The following RFX4 variants were observed in gnomAD, a reference collection of about 807,000 sequenced individuals.
RFX4 encodes transcription factor RFX4.
In RFX4, 10 loss-of-function variants were observed where a neutral mutation model predicts 95.0. The observed-to-expected ratio is 0.11, with a 90% confidence interval of 0.06 to 0.18. The LOEUF (loss-of-function observed/expected upper bound fraction) is 0.18. RFX4 is among the 10% of genes least tolerant of loss of function. RFX4 has a pLI of 1.00. For missense variants in RFX4, 640 were observed against 922.0 expected, an observed-to-expected ratio of 0.69 and a Z score of 3.96; for synonymous variants, 321 against 340.7, an observed-to-expected ratio of 0.94 and a Z score of 0.64.
chr12:106,649,524 C>T (rs1202088633), intron 3 of RFX4, among the ~76,000 whole-genome samples: 1 of 152,194 alleles, frequency 6.6e-6, no homozygotes. Flanking sequence ...GTTTAATTAG[C>T]CCAGCCTGTG....
At chr12:106,746,420 T>C (rs1440773839) in intron 15 of RFX4, among the ~76,000 whole-genome samples, 1 of 150,632 alleles carries the variant, frequency 6.6e-6, no homozygotes, top group Non-Finnish European at 1.5e-5. Flanking sequence ...TAGTTCCAAC[T>C]ACTTGGGAGG....
chr12:106,677,756 C>G (rs1390317347), intron 4 of RFX4, among the ~76,000 whole-genome samples: 1 of 152,104 alleles, frequency 6.6e-6, no homozygotes, highest in Non-Finnish European at 1.5e-5. Context: ...AGACTGGTGG[C>G]AGGGAAACCA....
intron 17 of RFX4, among the ~76,000 whole-genome samples, chr12:106,751,435 C>T (rs1398478846): frequency 6.6e-6 from 1 of 151,536 alleles, no homozygotes; most frequent in Non-Finnish European, 1.5e-5. Flanking sequence ...GATTTATAGT[C>T]CTTTGGGTGT....
chr12:106,715,445 C>T lies in RFX4; in HGVS notation c.1039C>T (p.Leu347=). 1 of 1,614,156 alleles carries T rather than the reference C, an allele frequency of 6.2e-7. No homozygotes were observed. The highest frequency in any genetic ancestry group is 8.5e-7 in the Non-Finnish European group (1 of 1,180,004). The change falls in exon 11 of 18, where the codon CTG becomes TTG. Residue 347 remains leucine, a synonymous_variant. Coordinates refer to ENST00000392842, the MANE Select transcript of RFX4 (RefSeq NM_213594.3). ...CAGTGCAGACATCACGTTCCAAATG[C>T]TGGAAGACTGGAGGAACGTGGACCT... ...IHSADITFQM[L]EDWRNVDLNS...
intron 2 of RFX4, among the ~76,000 whole-genome samples, chr12:106,636,865 T>C (rs77362888): frequency 0.1 from 15,619 of 152,170 alleles, 990 homozygotes; most frequent in Middle Eastern, 0.14. Flanking sequence ...TCCCTTTTTT[T>C]CTCTGCCTTC....
chr12:106,682,345 A>G, intron 5 of RFX4: 1 of 453,330 alleles, frequency 2.2e-6, no homozygotes, highest in Non-Finnish European at 4.0e-6. Context: ...CATTGAAAGG[A>G]TTGCCTTGTG....
At chr12:106,701,385 T>C (rs2041987033) in intron 8 of RFX4, among the ~76,000 whole-genome samples, 1 of 152,198 alleles carries the variant, frequency 6.6e-6, no homozygotes, top group African/African-American at 2.4e-5. Flanking sequence ...TACTTGGGGT[T>C]TTCTGAGCTT....
intron 14 of RFX4, among the ~76,000 whole-genome samples, chr12:106,732,694 C>A (rs1230849398): frequency 1.3e-5 from 2 of 151,840 alleles, no homozygotes; most frequent in Admixed American, 1.3e-4. Context: ...AGCAAGACTC[C>A]ATCTCAAAAT....
chr12:106,752,479 C>T (rs867368859), intron 17 of RFX4, among the ~76,000 whole-genome samples: 6 of 151,980 alleles, frequency 3.9e-5, no homozygotes, highest in Non-Finnish European at 8.8e-5. Flanking sequence ...CCTCTTTGAC[C>T]TCTTCATGCC....
chr12:106,601,375 C>T, intron 1 of RFX4: 1 of 1,559,176 alleles, frequency 6.4e-7, no homozygotes, highest in Non-Finnish European at 8.7e-7. Flanking sequence ...GGACAGGAGA[C>T]TGGGGTGGGC....
rs200953140 is a variant in RFX4 at position 106,595,105 on chromosome 12, CTTTA to C, written c.43+11747_43+11750del. On this transcript the variant is annotated intron_variant, in intron 1 of 17. Coordinates refer to ENST00000392842, the MANE Select transcript of RFX4 (RefSeq NM_213594.3). The stretch of plus-strand genomic sequence containing the variant: ...CTGTGCTGAACACTTATGCATGTTA[CTTTA>C]TTTAACTCACATATTGACTCTATGG... Among the ~76,000 whole-genome samples, 19 of 152,248 alleles carry C rather than the reference CTTTA, an allele frequency of 1.2e-4. No individual in the cohort carries two copies. The East Asian group carries it at 3.5e-3, about 28-fold the overall frequency.
chr12:106,747,456 G>A lies in RFX4; in HGVS notation c.1653G>A (p.Thr551=), dbSNP rs894301123. Residue 551 remains threonine (T), a synonymous_variant, in exon 16 of 18, where the codon ACG becomes ACA. Coordinates refer to ENST00000392842, the MANE Select transcript of RFX4 (RefSeq NM_213594.3). ...CTGCAGGAGCAATGCAGTCTTACAC[G>A]TGGTCTCTAACATACACAGTGACGA... ...LSTTGAMQSY[T]WSLTYTVTTA... 16 of 1,614,024 alleles carry A rather than the reference G, an allele frequency of 9.9e-6. No homozygotes were observed. In the South Asian group the frequency reaches 1.1e-4, roughly 11 times the overall value.
At chr12:106,698,973 T>G (rs953420852) in intron 8 of RFX4, among the ~76,000 whole-genome samples, 1 of 152,094 alleles carries the variant, frequency 6.6e-6, no homozygotes, top group African/African-American at 2.4e-5. Flanking sequence ...TGCTCTTCTT[T>G]TTTTAGTTTC....
At chr12:106,649,818 C>CCTATTCAT (rs2040825046) in intron 3 of RFX4, among the ~76,000 whole-genome samples, 1 of 152,160 alleles carries the variant, frequency 6.6e-6, no homozygotes, top group African/African-American at 2.4e-5. Context: ...AATGGAGCCC[C>CCTATTCAT]CCATTCATCC....
chr12:106,679,238 A>C (rs983999628), intron 4 of RFX4, among the ~76,000 whole-genome samples: 2 of 152,212 alleles, frequency 1.3e-5, no homozygotes, highest in Non-Finnish European at 2.9e-5. Flanking sequence ...TGGGTGGATC[A>C]CTTGAGGTCA....
At chr12:106,680,964 A>G (rs542001828) in intron 4 of RFX4, 1 of 152,336 alleles carries the variant, frequency 6.6e-6, no homozygotes, top group East Asian at 1.9e-4. Context: ...CTTGCATTCA[A>G]TTCAGGTAGT....
At chr12:106,646,020 TA>T in intron 3 of RFX4, 5 of 1,117,574 alleles carry the variant, frequency 4.5e-6, no homozygotes, top group African/African-American at 1.6e-5. Context: ...CAACTTTTTT[TA>T]AAAAAAGTAT....
At position 106,664,930 on chromosome 12, in the gene RFX4, A is replaced by G. The variant is rs773784231; in HGVS notation, c.315+10579A>G. Among the ~76,000 whole-genome samples, 3 of 151,830 alleles carry G rather than the reference A, an allele frequency of 2.0e-5. No homozygotes were observed. In the East Asian group the frequency reaches 5.8e-4, roughly 29 times the overall value. Reference sequence around the variant, plus strand: ...ATATGATTTTTGTTTTATGACCCAGAATGTGATCTATCTTGATGAATGTGC... The same window carrying G: ...ATATGATTTTTGTTTTATGACCCAGGATGTGATCTATCTTGATGAATGTGC... On this transcript the variant is annotated intron_variant, in intron 4 of 17. Coordinates refer to ENST00000392842, the MANE Select transcript of RFX4 (RefSeq NM_213594.3).
intron 3 of RFX4, among the ~76,000 whole-genome samples, 181 bp from the exon 4 acceptor site, chr12:106,654,047 G>A (rs553242379): frequency 2.6e-5 from 4 of 152,286 alleles, no homozygotes; most frequent in African/African-American, 9.6e-5. Context: ...ACACTGCCAA[G>A]CCACTAATGC....
Sources: allele counts gnomAD v4.1 joint callset (sites outside exome capture counted in the v4.1 genomes callset), GRCh38; gene constraint gnomAD v4.1.1; transcripts MANE v1.5; gene names NCBI Gene and HGNC (gene_info 2026-07-23, HGNC 2026-07-21).